PDE3A: variants seen among roughly 807,000 people sequenced by gnomAD.
The protein encoded by PDE3A is cGMP-inhibited 3',5'-cyclic phosphodiesterase 3A.
PDE3A carries 43 observed loss-of-function variants against 98.3 expected under a neutral mutation model. That is an observed-to-expected ratio of 0.44 (90% CI 0.34 to 0.56). The LOEUF is 0.56. PDE3A is among the 20% of genes least tolerant of loss of function. PDE3A has a pLI of 0.01. For synonymous variants in PDE3A, 663 were observed against 567.9 expected (o/e 1.17, Z -2.38); for missense variants, 1,427 against 1,440.7 (o/e 0.99, Z 0.15).
At chr12:20,551,438 C>T (rs1310102941) in intron 1 of PDE3A, among the ~76,000 whole-genome samples, 1 of 151,948 alleles carries the variant, frequency 6.6e-6, no homozygotes, top group Non-Finnish European at 1.5e-5. Context: ...ACAGGATTGA[C>T]AGATTGATAG....
intron 1 of PDE3A, among the ~76,000 whole-genome samples, chr12:20,448,397 C>T (rs1156720460): frequency 1.3e-5 from 2 of 152,052 alleles, no homozygotes; most frequent in African/African-American, 2.4e-5. Context: ...GCCGAGGTCG[C>T]GTCAATGCAC....
Position 20,614,994 on chromosome 12 carries a change from TTTTTTC to T in PDE3A, c.1270-1232_1270-1227del, listed in dbSNP as rs200503350. On this transcript the variant is annotated intron_variant, in intron 3 of 15. Coordinates refer to ENST00000359062, the MANE Select transcript of PDE3A (RefSeq NM_000921.5). The stretch of plus-strand genomic sequence containing the variant: ...CCTTCGGTTTAACTTTTTCTTTTCT[TTTTTTC>T]TTTCTTTCTCTCTTTCTTTTTTTTT... Among the ~76,000 whole-genome samples, 27 of 28,960 alleles carry T rather than the reference TTTTTTC, an allele frequency of 9.3e-4. 1 individual carries two copies. In the East Asian group the frequency reaches 0.037, roughly 40 times the overall value. The allele number at this position is 28,960 out of a possible 152,430, so 19.0% of individuals were successfully genotyped here.
chr12:20,469,116 C>A (rs1488018674), intron 1 of PDE3A, among the ~76,000 whole-genome samples: 6 of 152,142 alleles, frequency 3.9e-5, no homozygotes, highest in African/African-American at 1.2e-4. Context: ...AGATGCTGAA[C>A]AGAAATCACA....
chr12:20,649,919 T>C (rs1468552436), intron 13 of PDE3A, among the ~76,000 whole-genome samples: 1 of 150,526 alleles, frequency 6.6e-6, no homozygotes, highest in Non-Finnish European at 1.5e-5. Context: ...AGGGCAAGAC[T>C]CTGTCTCAAA....
At chr12:20,407,775 G>T (rs948625279) in intron 1 of PDE3A, among the ~76,000 whole-genome samples, 1 of 151,834 alleles carries the variant, frequency 6.6e-6, no homozygotes. Context: ...GTTTTTCATA[G>T]TATAGATATA....
intron 1 of PDE3A, among the ~76,000 whole-genome samples, chr12:20,408,661 A>G (rs1459168911): frequency 6.6e-6 from 1 of 152,176 alleles, no homozygotes; most frequent in Non-Finnish European, 1.5e-5. Flanking sequence ...TTTCTTCCCA[A>G]ATATTCCATG....
Position 20,368,791 on chromosome 12 carries a change from G to A in PDE3A, c.-494G>A, listed in dbSNP as rs553296930. 2.6e-4 allele frequency among the ~76,000 whole-genome samples: 40 copies of A among 152,068 alleles called. 1 individual carries two copies. Among genetic ancestry groups the A allele is most frequent in the Admixed American group, 2.4e-3 (37 of 15,296 alleles). ...GAAGGGAGACCTCCATCTGCCGCGG[G>A]CCCGGCGCGCTGCAGCGCAGCGCAG... On this transcript the variant is annotated 5_prime_UTR_variant, in exon 1 of 16. Coordinates refer to ENST00000359062, the MANE Select transcript of PDE3A (RefSeq NM_000921.5).
At chr12:20,425,477 A>G (rs778288766) in intron 1 of PDE3A, among the ~76,000 whole-genome samples, 1 of 152,136 alleles carries the variant, frequency 6.6e-6, no homozygotes. Flanking sequence ...GAATTTATGT[A>G]TGCATTTTTG....
intron 1 of PDE3A, among the ~76,000 whole-genome samples, chr12:20,525,641 T>C (rs879855249): frequency 1.3e-5 from 2 of 152,286 alleles, no homozygotes; most frequent in African/African-American, 2.4e-5. Flanking sequence ...TTACTCTTAA[T>C]AGGATTTTGA....
At chr12:20,632,801 G>T (rs960163664) in intron 6 of PDE3A, among the ~76,000 whole-genome samples, 1 of 151,310 alleles carries the variant, frequency 6.6e-6, no homozygotes, top group Non-Finnish European at 1.5e-5. Context: ...GTAACTGATC[G>T]ATCTGAAAAA....
chr12:20,406,877 T>C (rs560307744), intron 1 of PDE3A, among the ~76,000 whole-genome samples: 23 of 152,236 alleles, frequency 1.5e-4, no homozygotes, highest in South Asian at 6.2e-4. Context: ...ATTTTGTGTA[T>C]GGTTAAGATA....
intron 5 of PDE3A, among the ~76,000 whole-genome samples, chr12:20,623,858 G>A (rs1407892850): frequency 6.6e-6 from 1 of 151,654 alleles, no homozygotes; most frequent in Non-Finnish European, 1.5e-5. Context: ...AGAAGAGAAA[G>A]TTTGAGATCT....
chr12:20,387,789 CAAAAG>C lies in PDE3A; in HGVS notation c.960+17547_960+17551del, dbSNP rs553952638. On this transcript the variant is annotated intron_variant, in intron 1 of 15. Transcript: ENST00000359062. ...TTGTTTACATACTGCTTGGGAACAA[CAAAAG>C]ATAAGATATTTTAAAATGTGTGAAA... 4.1e-4 allele frequency among the ~76,000 whole-genome samples: 63 copies of C among 151,988 alleles called. 1 individual carries two copies. Among genetic ancestry groups the C allele is most frequent in the Admixed American group, 3.9e-3 (60 of 15,220 alleles).
chr12:20,566,625 T>C (rs1423872327), intron 2 of PDE3A, among the ~76,000 whole-genome samples: 1 of 151,736 alleles, frequency 6.6e-6, no homozygotes, highest in Non-Finnish European at 1.5e-5. Flanking sequence ...GTCAGGAAGA[T>C]GTAGCGCAAA....
chr12:20,536,143 A>G (rs995405080), intron 1 of PDE3A, among the ~76,000 whole-genome samples: 1 of 152,180 alleles, frequency 6.6e-6, no homozygotes, highest in Non-Finnish European at 1.5e-5. Context: ...ATCATCATAC[A>G]TATACTTATC....
At chr12:20,649,419 G>C (rs1017205236) in intron 13 of PDE3A, among the ~76,000 whole-genome samples, 1 of 152,128 alleles carries the variant, frequency 6.6e-6, no homozygotes, top group African/African-American at 2.4e-5. Flanking sequence ...TGTCTCTATA[G>C]ATTCTACTCT....
intron 2 of PDE3A, among the ~76,000 whole-genome samples, chr12:20,599,162 C>T (rs747263153): frequency 6.6e-6 from 1 of 152,122 alleles, no homozygotes; most frequent in Non-Finnish European, 1.5e-5. Flanking sequence ...CCCATTCATC[C>T]TTCTTATGCA....
In PDE3A at chr12:20,370,189, G is replaced by A. The variant is rs140794489; in HGVS notation, c.905G>A (p.Gly302Asp). The A allele has an allele frequency of 1.9e-4, 307 of 1,609,746 alleles. No homozygotes were observed. Among genetic ancestry groups the A allele is most frequent in the Non-Finnish European group, 2.5e-4 (295 of 1,178,334 alleles). ...TCCGTCGTGTCCGCCGAGATGTCCG[G>A]CTGCAGCAGCAAGTCCCATCGGAGG... ...SSSVVSAEMS[G>D]CSSKSHRRTS... The change falls in exon 1 of 16, where the codon GGC (glycine) becomes GAC (aspartate). Residue 302 changes from glycine to aspartate, a missense_variant. Physicochemically the swap from Gly to Asp is moderately conservative, Grantham distance 94 (BLOSUM62 -1). This residue lies in a region of PDE3A where 1,012 missense variants were observed against 886.5 expected (regional missense o/e 1.14). Transcript: ENST00000359062.
intron 15 of PDE3A, among the ~76,000 whole-genome samples, chr12:20,674,692 A>T (rs1945587227): frequency 6.6e-6 from 1 of 152,140 alleles, no homozygotes; most frequent in African/African-American, 2.4e-5. Context: ...ATATGTGTCC[A>T]GGAATTTATC....
Sources: allele counts gnomAD v4.1 joint callset (sites outside exome capture counted in the v4.1 genomes callset), GRCh38; gene constraint gnomAD v4.1.1; regional missense constraint gnomAD v4.1.1; transcripts MANE v1.5; gene names NCBI Gene and HGNC (gene_info 2026-07-23, HGNC 2026-07-21).